Variants in AFF2 observed in about 807,000 individuals in gnomAD.
AFF2 encodes the protein AF4/FMR2 family member 2.
Under a neutral mutation model 76.9 loss-of-function variants are expected in AFF2, and 14 were observed. The observed-to-expected ratio is 0.18, with a 90% CI of 0.12 to 0.28. The LOEUF (loss-of-function observed/expected upper bound fraction) is 0.28. AFF2 is among the 10% of genes least tolerant of loss of function. The pLI is 1.00. For synonymous variants in AFF2, 398 were observed against 366.7 expected (o/e 1.09, Z -0.98); for missense variants, 868 against 1,001.1 (o/e 0.87, Z 1.79).
chrX:148,610,308 A>G (rs1557249327), intron 1 of AFF2, among the ~76,000 whole-genome samples: 1 of 111,480 alleles, frequency 9.0e-6, no homozygotes, highest in Non-Finnish European at 1.9e-5. Context: ...CGGCCAATCC[A>G]GTAACAGAAT....
At chrX:148,581,310 G>C (rs1308067926) in intron 1 of AFF2, among the ~76,000 whole-genome samples, 2 of 20,680 alleles carry the variant, frequency 9.7e-5, no homozygotes, top group African/African-American at 4.2e-4. Context: ...ACACATATAC[G>C]TATACGTGTA....
At chrX:148,629,014 C>T (rs192280181) in intron 1 of AFF2, among the ~76,000 whole-genome samples, 1 of 111,609 alleles carries the variant, frequency 9.0e-6, no homozygotes, top group African/African-American at 3.3e-5. Flanking sequence ...AAGTGTATCT[C>T]ATTTTAAAGT....
chrX:149,000,288 T>C lies in AFF2; in HGVS notation c.*8956T>C, dbSNP rs898295263. ...TCACTGTTCTTAACAAGCATGCTCG[T>C]CTTGTCAGAATTTCAGTAAGTTCCA... On this transcript the variant is annotated 3_prime_UTR_variant, in exon 21 of 21. Transcript: ENST00000370460. 8.9e-6 allele frequency: 1 copy of C among 112,796 alleles called. No homozygotes were observed. Among genetic ancestry groups the C allele is most frequent in the Non-Finnish European group, 1.9e-5 (1 of 53,399 alleles). The allele number at this position is 112,796 out of a possible 1,213,427, so 9.3% of individuals were successfully genotyped here. A position where few individuals can be genotyped will look rare whatever the true frequency, so the allele number is the denominator to read the frequency against.
At chrX:148,826,853 A>T (rs2070394318) in intron 4 of AFF2, among the ~76,000 whole-genome samples, 1 of 111,495 alleles carries the variant, frequency 9.0e-6, no homozygotes, top group Non-Finnish European at 1.9e-5. Flanking sequence ...TTTCTGAATC[A>T]ATTTCACTGT....
chrX:148,556,201 T>G (rs2053050911), intron 1 of AFF2, among the ~76,000 whole-genome samples: 1 of 112,366 alleles, frequency 8.9e-6, no homozygotes, highest in Admixed American at 9.4e-5. Flanking sequence ...CTGATTTGAT[T>G]AAGATATTGC....
intron 3 of AFF2, among the ~76,000 whole-genome samples, chrX:148,761,957 AT>A (rs2069449124): frequency 7.8e-5 from 2 of 25,735 alleles, no homozygotes; most frequent in Admixed American, 5.5e-4. Flanking sequence ...GTATGTGTGT[AT>A]ATAGATATAG....
intron 1 of AFF2, among the ~76,000 whole-genome samples, chrX:148,603,422 A>G (rs2053644848): frequency 9.7e-6 from 1 of 103,054 alleles, no homozygotes; most frequent in African/African-American, 3.5e-5. Flanking sequence ...GACTGGCTAG[A>G]TATAAAATCT....
intron 3 of AFF2, among the ~76,000 whole-genome samples, chrX:148,745,977 A>G (rs1382798615): frequency 9.0e-6 from 1 of 110,976 alleles, no homozygotes; most frequent in Non-Finnish European, 1.9e-5. Flanking sequence ...TCCTGACCTC[A>G]AGTGATCCAC....
intron 3 of AFF2, among the ~76,000 whole-genome samples, chrX:148,770,469 G>T (rs1338177105): frequency 1.8e-5 from 2 of 111,872 alleles, no homozygotes; most frequent in Non-Finnish European, 3.8e-5. Context: ...GTAAAGTTGG[G>T]GGTATCATTC....
At chrX:148,505,955 C>G (rs201572664) in intron 1 of AFF2, among the ~76,000 whole-genome samples, 6 of 102,420 alleles carry the variant, frequency 5.9e-5, no homozygotes, top group Admixed American at 1.1e-4. Context: ...GTGTGTGTGT[C>G]TGTGTGTGTG....
intron 3 of AFF2, among the ~76,000 whole-genome samples, chrX:148,774,387 G>A (rs956616305): frequency 3.6e-5 from 4 of 111,490 alleles, no homozygotes; most frequent in South Asian, 7.6e-4. Flanking sequence ...ACAGACTGAC[G>A]TGGAAGAAAA....
intron 1 of AFF2, among the ~76,000 whole-genome samples, chrX:148,516,058 C>G (rs2052531077): frequency 9.0e-6 from 1 of 111,689 alleles, no homozygotes; most frequent in Admixed American, 9.5e-5. Context: ...GCAGTTCTGC[C>G]CTGGAGACCA....
intron 1 of AFF2, among the ~76,000 whole-genome samples, chrX:148,525,922 C>G (rs1414807443): frequency 9.0e-6 from 1 of 111,482 alleles, no homozygotes; most frequent in Non-Finnish European, 1.9e-5. Context: ...CCACAGGGTA[C>G]CAGACTTTAC....
intron 9 of AFF2, among the ~76,000 whole-genome samples, chrX:148,939,779 A>G (rs1280852296): frequency 8.9e-6 from 1 of 111,949 alleles, no homozygotes; most frequent in East Asian, 2.8e-4. Context: ...CAACAGGTGT[A>G]CACACTCTCA....
chrX:148,656,009 GC>G (rs1209480576), intron 2 of AFF2, among the ~76,000 whole-genome samples: 1 of 112,076 alleles, frequency 8.9e-6, no homozygotes, highest in Non-Finnish European at 1.9e-5. Context: ...CTGTCCAATA[GC>G]GCCAGTGGTT....
intron 1 of AFF2, among the ~76,000 whole-genome samples, chrX:148,557,107 A>G (rs1557239787): frequency 8.9e-6 from 1 of 112,090 alleles, no homozygotes; most frequent in Non-Finnish European, 1.9e-5. Context: ...TCATAACTGT[A>G]GCTGAAGGTA....
intron 3 of AFF2, among the ~76,000 whole-genome samples, chrX:148,731,281 C>T (rs1410312590): frequency 1.8e-5 from 2 of 111,613 alleles, no homozygotes; most frequent in Non-Finnish European, 3.8e-5. Flanking sequence ...GAAGTGGCAA[C>T]GTTTGATTTA....
At chrX:148,572,526 A>G (rs190926934) in intron 1 of AFF2, among the ~76,000 whole-genome samples, 116 of 111,945 alleles carry the variant, frequency 1.0e-3, no homozygotes, top group African/African-American at 3.6e-3. Context: ...TCGACTGATG[A>G]ATGGACAAAC....
intron 1 of AFF2, among the ~76,000 whole-genome samples, chrX:148,619,108 A>G (rs1240825170): frequency 9.0e-6 from 1 of 111,593 alleles, no homozygotes; most frequent in Non-Finnish European, 1.9e-5. Flanking sequence ...CCTATTATTC[A>G]TCTTCAAAAT....
Sources: gnomAD v4.1 joint callset for allele counts (sites outside exome capture counted in the v4.1 genomes callset) on GRCh38, gnomAD v4.1.1 for gene constraint, MANE v1.5 for transcripts, NCBI Gene and HGNC (gene_info 2026-07-23, HGNC 2026-07-21) for gene names.